The following TNS3 variants were observed in gnomAD, a reference collection of about 807,000 sequenced individuals.
TNS3 encodes the protein tensin 3, also known as tensin-3.
Under a neutral mutation model 140.9 loss-of-function variants are expected in TNS3, and 45 were observed. The observed-to-expected ratio is 0.32, with a 90% CI of 0.25 to 0.41. The LOEUF is 0.41. Among genes scored for constraint, TNS3 ranks in the 10% least tolerant of loss-of-function variants. The pLI, the probability that TNS3 is intolerant of heterozygous loss-of-function variation, is 1.00. For missense variants in TNS3, 1,716 were observed against 1,906.7 expected, an observed-to-expected ratio of 0.90 and a Z score of 1.86; for synonymous variants, 815 against 788.4, an observed-to-expected ratio of 1.03 and a Z score of -0.56.
chr7:47,575,021 T>C (rs768073049), intron 1 of TNS3, among the ~76,000 whole-genome samples: 4 of 152,222 alleles, frequency 2.6e-5, no homozygotes, highest in Non-Finnish European at 5.9e-5. Flanking sequence ...GTTCATGTTA[T>C]GCATGTTTTA....
intron 17 of TNS3, among the ~76,000 whole-genome samples, chr7:47,352,245 GCACT>G (rs754091904): frequency 6.6e-6 from 1 of 151,990 alleles, no homozygotes; most frequent in Non-Finnish European, 1.5e-5. Context: ...ATACTCACTG[GCACT>G]CACACACGTG....
chr7:47,471,938 A>T (rs1464017527), intron 4 of TNS3, among the ~76,000 whole-genome samples: 1 of 152,246 alleles, frequency 6.6e-6, no homozygotes, highest in Non-Finnish European at 1.5e-5. Flanking sequence ...GTTGGCTTCA[A>T]ACAAGGCATG....
chr7:47,382,224 G>T (rs1688601848), intron 16 of TNS3, among the ~76,000 whole-genome samples: 1 of 152,218 alleles, frequency 6.6e-6, no homozygotes, highest in Non-Finnish European at 1.5e-5. Context: ...GGTTGGGCTT[G>T]ATTTGGGTGG....
intron 16 of TNS3, among the ~76,000 whole-genome samples, chr7:47,387,744 G>A (rs1452850719): frequency 6.6e-6 from 1 of 152,198 alleles, no homozygotes; most frequent in Non-Finnish European, 1.5e-5. Flanking sequence ...ATTCCTTCAA[G>A]GCTGAAAGAG....
At chr7:47,301,194 C>G (rs541283654) in intron 23 of TNS3, among the ~76,000 whole-genome samples, 5 of 152,318 alleles carry the variant, frequency 3.3e-5, no homozygotes, top group African/African-American at 1.2e-4. Context: ...TCATTTCTCA[C>G]CGCTTTAAAC....
In TNS3 at chr7:47,293,723, A is replaced by T. The variant is rs1785843463; in HGVS notation, c.3772+10T>A. 1 of 1,613,506 alleles carries T rather than the reference A, an allele frequency of 6.2e-7. No homozygotes were observed. Among genetic ancestry groups the T allele is most frequent in the South Asian group, 1.1e-5 (1 of 91,068 alleles). ...TCAGAACATTGACAGCAACCTCTCA[A>T]GCAACTCACCGAAATATGGTTCATT... is the stretch of plus-strand genomic sequence containing the variant. On this transcript the variant is annotated intron_variant, in intron 25 of 30. Transcript: ENST00000311160.
intron 16 of TNS3, among the ~76,000 whole-genome samples, chr7:47,386,027 G>A (rs1447695199): frequency 6.6e-6 from 1 of 152,184 alleles, no homozygotes; most frequent in African/African-American, 2.4e-5. Flanking sequence ...AAATACTATT[G>A]AATTTTCATA....
chr7:47,302,227 G>A lies in TNS3; in HGVS notation c.3503C>T (p.Thr1168Ile). The A allele has an allele frequency of 6.2e-7, 1 of 1,614,248 alleles. No individual in the cohort carries two copies. The highest frequency in any genetic ancestry group is 8.5e-7 in the Non-Finnish European group (1 of 1,180,038). Residue 1168 changes from threonine (T) to isoleucine (I), a missense_variant, in exon 23 of 31, where the codon ACT (threonine) becomes ATT (isoleucine). Thr to Ile is a moderately conservative substitution (Grantham distance 89, BLOSUM62 -1). Around this residue, in one of 3 missense-constraint regions of TNS3, gnomAD observed 1,163 missense variants for 1,182.1 expected, o/e 0.98. Coordinates refer to ENST00000311160, the MANE Select transcript of TNS3 (RefSeq NM_022748.12). ...KLVIVKFVQD[T>I]SKFWYKADIS... ...ATCCGCCTTGTACCAGAACTTGGAAGTGTCTTGAACAAATTTCACGATCAC... is the reference window on the plus strand; with the variant it reads ...ATCCGCCTTGTACCAGAACTTGGAAATGTCTTGAACAAATTTCACGATCAC...
At chr7:47,410,151 T>A (rs933697280) in intron 13 of TNS3, among the ~76,000 whole-genome samples, 5 of 152,174 alleles carry the variant, frequency 3.3e-5, no homozygotes, top group African/African-American at 1.2e-4. Flanking sequence ...GACCACAGGA[T>A]GTGAGGAACA....
At chr7:47,530,838 A>AAAAAAAAAATATATATATAT in intron 1 of TNS3, among the ~76,000 whole-genome samples, 12 of 54,560 alleles carry the variant, frequency 2.2e-4, no homozygotes, top group African/African-American at 9.5e-4. Flanking sequence ...AAAAAAAAAA[A>AAAAAAAAAATATATATATAT]ATATATATAT....
intron 13 of TNS3, among the ~76,000 whole-genome samples, chr7:47,403,084 C>T (rs1283943821): frequency 2.0e-5 from 3 of 152,138 alleles, no homozygotes; most frequent in African/African-American, 4.8e-5. Flanking sequence ...TATCCCCAAC[C>T]GCAGCTCACC....
rs145227925 is a variant in TNS3, at chr7:47,302,382, G to A, written c.3458-110C>T. The A allele has an allele frequency of 3.3e-4, 284 of 863,790 alleles. 2 individuals carry two copies. In the Middle Eastern group the frequency reaches 3.5e-3, roughly 11 times the overall value. 53.5% of individuals were successfully genotyped at this position (863,790 alleles called of 1,614,324 possible). On this transcript the variant is annotated intron_variant, in intron 22 of 30. Transcript: ENST00000311160. ...AATCCCATGCCAAGGGCAAGCAAGC[G>A]AGCGATGTTCTAAGGAAAGGGAACC...
chr7:47,368,730 C>A lies in TNS3; in HGVS notation c.1916G>T (p.Ser639Ile). The A allele has an allele frequency of 6.3e-7, 1 of 1,578,652 alleles. No individual in the cohort carries two copies. The highest frequency in any genetic ancestry group is 2.2e-5 in the East Asian group (1 of 44,518). Reference protein sequence around the residue: ...VPLTPTRGTSSRVAVQRGVGS... With the variant: ...VPLTPTRGTSIRVAVQRGVGS... ...TACACCCCTCTGGACAGCCACCCTA[C>A]TGCTGGTCCCTCGGGTGGGGGTGAG... The change falls in exon 17 of 31, where the codon AGT (serine) becomes ATT (isoleucine). Residue 639 changes from serine to isoleucine, a missense_variant. By Grantham distance (142) the Ser-to-Ile change is moderately radical (BLOSUM62 -2). Around this residue, in one of 3 missense-constraint regions of TNS3, gnomAD observed 1,163 missense variants for 1,182.1 expected, o/e 0.98. Transcript: ENST00000311160.
intron 11 of TNS3, among the ~76,000 whole-genome samples, 166 bp from the exon 12 acceptor site, chr7:47,414,163 G>A (rs1442917476): frequency 2.2e-4 from 34 of 152,110 alleles, no homozygotes; most frequent in Admixed American, 2.2e-3. Flanking sequence ...GCAGGAAAAG[G>A]CCGGACCCGG....
At chr7:47,362,169 G>A (rs979978860) in intron 17 of TNS3, among the ~76,000 whole-genome samples, 1 of 152,194 alleles carries the variant, frequency 6.6e-6, no homozygotes, top group Non-Finnish European at 1.5e-5. Flanking sequence ...AGACCAGAGT[G>A]AGGGAGCAGG....
chr7:47,539,858 ACATCAACAC>A (rs768364030), intron 1 of TNS3, among the ~76,000 whole-genome samples: 104 of 152,284 alleles, frequency 6.8e-4, no homozygotes, highest in Non-Finnish European at 1.3e-3. Flanking sequence ...TATTTCCACC[ACATCAACAC>A]CGGTGTTCAC....
At chr7:47,307,698 T>C (rs1262551487) in intron 20 of TNS3, among the ~76,000 whole-genome samples, 1 of 152,266 alleles carries the variant, frequency 6.6e-6, no homozygotes, top group South Asian at 2.1e-4. Flanking sequence ...TAATTACTAA[T>C]GATGTTGAAC....
chr7:47,419,235 C>T (rs1230275216), intron 10 of TNS3, among the ~76,000 whole-genome samples: 1 of 152,200 alleles, frequency 6.6e-6, no homozygotes, highest in African/African-American at 2.4e-5. Flanking sequence ...GGTGGCTTTG[C>T]CCACAGAGTT....
At chr7:47,331,636 G>A (rs1006436786) in intron 20 of TNS3, among the ~76,000 whole-genome samples, 3 of 152,194 alleles carry the variant, frequency 2.0e-5, no homozygotes, top group African/African-American at 7.2e-5. Context: ...TCCAAATGAT[G>A]GAATTCTCAC....
Sources: gnomAD v4.1 joint callset for allele counts (sites outside exome capture counted in the v4.1 genomes callset) on GRCh38, gnomAD v4.1.1 for gene constraint, gnomAD v4.1.1 regional missense constraint, MANE v1.5 for transcripts, NCBI Gene and HGNC (gene_info 2026-07-23, HGNC 2026-07-21) for gene names.